The following BCAS4 variants were observed in gnomAD, a reference collection of about 807,000 sequenced individuals.
BCAS4 encodes the protein breast carcinoma-amplified sequence 4.
BCAS4 carries 9 observed loss-of-function variants against 15.7 expected under a neutral mutation model. The observed-to-expected ratio is 0.57, with a 90% confidence interval of 0.34 to 1.00. The LOEUF is 1.00. BCAS4 is among the 50% of genes least tolerant of loss of function. BCAS4 has a pLI of 0.02. For synonymous variants in BCAS4, 101 were observed against 99.5 expected, an observed-to-expected ratio of 1.02 and a Z score of -0.09; for missense variants, 225 against 239.1, an observed-to-expected ratio of 0.94 and a Z score of 0.39.
intron 2 of BCAS4, among the ~76,000 whole-genome samples, chr20:50,827,027 CA>C (rs1179522259): frequency 6.6e-5 from 10 of 151,840 alleles, no homozygotes; most frequent in African/African-American, 1.4e-4. Flanking sequence ...AACAAACAAA[CA>C]AAAAAAACGA....
chr20:50,854,205 G>A (rs111727725), intron 4 of BCAS4, among the ~76,000 whole-genome samples: 3 of 152,270 alleles, frequency 2.0e-5, no homozygotes, highest in African/African-American at 7.2e-5. Flanking sequence ...TTGTATCTTG[G>A]TGGTGCTGCT....
At position 50,851,378 on chromosome 20, in the gene BCAS4, A is replaced by C. The variant is rs919886770; in HGVS notation, c.399+9478A>C. On this transcript the variant is annotated intron_variant, in intron 4 of 4. Coordinates refer to ENST00000371608, the MANE Select transcript of BCAS4 (RefSeq NM_198799.4). This position sits in a 1 kb window ranked among gnomAD's most constrained non-coding sequence, Gnocchi z 4.3. ...AGCCCCCTCCCCACGGCTCCCAGGG[A>C]CCTCCCGGGTTCGTTTCCTTCAAGG... is the stretch of plus-strand genomic sequence containing the variant. Among the ~76,000 whole-genome samples, 5 of 151,694 alleles carry C rather than the reference A, an allele frequency of 3.3e-5. No homozygotes were observed. The highest frequency in any genetic ancestry group is 5.9e-5 in the Non-Finnish European group (4 of 67,938).
intron 3 of BCAS4, chr20:50,840,536 G>GA: frequency 1.4e-6 from 2 of 1,451,536 alleles, no homozygotes; most frequent in Non-Finnish European, 1.9e-6. Context: ...GCATCTTACA[G>GA]AGTTAAACAG....
chr20:50,797,569 C>T (rs758823015), intron 1 of BCAS4, among the ~76,000 whole-genome samples: 4 of 151,968 alleles, frequency 2.6e-5, no homozygotes, highest in Admixed American at 6.6e-5. Flanking sequence ...AAAAATAACA[C>T]GAACAAAAAT....
At chr20:50,824,337 C>T (rs1442301999) in intron 2 of BCAS4, among the ~76,000 whole-genome samples, 1 of 152,216 alleles carries the variant, frequency 6.6e-6, no homozygotes, top group Non-Finnish European at 1.5e-5. Flanking sequence ...GGCTCTCCTT[C>T]CTAGGGGCCT....
At chr20:50,794,963 TGCCCCGCCTCCGCCAGGCGGTCC>T, upstream of BCAS4, 1 of 1,219,032 alleles carries the variant, frequency 8.2e-7, no homozygotes, top group Non-Finnish European at 1.0e-6. Context: ...GGAGCGCACC[TGCCCCGCCTCCGCCAGGCGGTCC>T]GCGGGGCATG....
chr20:50,875,809 A>G (rs1324443230), intron 4 of BCAS4, among the ~76,000 whole-genome samples: 1 of 151,258 alleles, frequency 6.6e-6, no homozygotes, highest in Non-Finnish European at 1.5e-5. Flanking sequence ...CAGTCATGCC[A>G]CCAACCACAG....
chr20:50,806,787 A>G (rs985556411), intron 1 of BCAS4, among the ~76,000 whole-genome samples: 1 of 151,712 alleles, frequency 6.6e-6, no homozygotes, highest in Non-Finnish European at 1.5e-5. Flanking sequence ...GCAAGGTGAA[A>G]TGAGCACATC....
In BCAS4 at chr20:50,830,306, G is replaced by A; in HGVS notation, c.190G>A (p.Glu64Lys). The A allele has an allele frequency of 6.2e-7, 1 of 1,614,040 alleles. No individual in the cohort carries two copies. Among genetic ancestry groups the A allele is most frequent in the Non-Finnish European group, 8.5e-7 (1 of 1,179,962 alleles). The change falls in exon 3 of 5, where the codon GAG becomes AAG. Residue 64 changes from glutamate to lysine, a missense_variant. Glu to Lys is a moderately conservative substitution (Grantham distance 56). Transcript: ENST00000371608. ...CAGGAGTGATACTTCACAGATCCTG[G>A]AGGAAAACATCCCAGTCCTTAAGGC... ...LIRSDTSQIL[E>K]ENIPVLKAKL...
At chr20:50,804,876 C>T (rs886155301) in intron 1 of BCAS4, among the ~76,000 whole-genome samples, 4 of 152,166 alleles carry the variant, frequency 2.6e-5, no homozygotes, top group African/African-American at 9.7e-5. Context: ...GTTGTTTAAC[C>T]TGCCAACTCC....
rs569101539 is a variant in BCAS4 at position 50,805,928 on chromosome 20, G to A, written c.90+10755G>A. Among the ~76,000 whole-genome samples the A allele has an allele frequency of 2.7e-5, 4 of 150,486 alleles. No homozygotes were observed. The South Asian group carries it at 8.4e-4, about 31-fold the overall frequency. On this transcript the variant is annotated intron_variant, in intron 1 of 4. Coordinates refer to ENST00000371608, the MANE Select transcript of BCAS4 (RefSeq NM_198799.4). Reference sequence around the variant, plus strand: ...GGAGGCAGTGATTGCAGTGAGTTGAGATTGCGCCATTGCACTCCAGCCTGG... The same window carrying A: ...GGAGGCAGTGATTGCAGTGAGTTGAAATTGCGCCATTGCACTCCAGCCTGG...
At chr20:50,870,619 A>G (rs1979590384) in intron 4 of BCAS4, among the ~76,000 whole-genome samples, 1 of 152,216 alleles carries the variant, frequency 6.6e-6, no homozygotes, top group Non-Finnish European at 1.5e-5. Context: ...GCCATGAGGG[A>G]CTGTGGGCCC....
chr20:50,858,561 C>T (rs931068550), intron 4 of BCAS4, among the ~76,000 whole-genome samples: 4 of 152,026 alleles, frequency 2.6e-5, no homozygotes, highest in Non-Finnish European at 5.9e-5. Context: ...AAGATCGCGC[C>T]ATTGTGCTCC....
At chr20:50,834,956 C>T (rs924193466) in intron 3 of BCAS4, among the ~76,000 whole-genome samples, 3 of 152,214 alleles carry the variant, frequency 2.0e-5, no homozygotes, top group African/African-American at 7.2e-5. Context: ...CATGCATTAG[C>T]TGGCGCACAG....
intron 1 of BCAS4, among the ~76,000 whole-genome samples, chr20:50,799,977 G>C (rs1049492489): frequency 6.6e-6 from 1 of 152,232 alleles, no homozygotes; most frequent in Non-Finnish European, 1.5e-5. Flanking sequence ...GGCTCTGGGA[G>C]GTGGAGGTTG....
chr20:50,807,378 G>C (rs2123756211), intron 1 of BCAS4, among the ~76,000 whole-genome samples: 1 of 151,722 alleles, frequency 6.6e-6, no homozygotes, highest in Non-Finnish European at 1.5e-5. Context: ...CTTTTTTGTA[G>C]AGATGGGGTT....
chr20:50,823,597 G>A (rs1027363612), intron 2 of BCAS4, among the ~76,000 whole-genome samples: 1 of 152,166 alleles, frequency 6.6e-6, no homozygotes, highest in African/African-American at 2.4e-5. Flanking sequence ...CAAAGTGGGA[G>A]GGTTGCTTGA....
chr20:50,833,436 G>A (rs1485680187), intron 3 of BCAS4, among the ~76,000 whole-genome samples: 1 of 152,218 alleles, frequency 6.6e-6, no homozygotes, highest in Admixed American at 6.5e-5. Context: ...ATTCTTTGTT[G>A]TGGGGCTGTT....
intron 4 of BCAS4, among the ~76,000 whole-genome samples, chr20:50,855,688 T>G (rs904345917): frequency 5.9e-5 from 9 of 152,046 alleles, no homozygotes; most frequent in Non-Finnish European, 1.2e-4. Context: ...ATTGCCCTTC[T>G]CTGAGCCCTG....
Sources: gnomAD v4.1 joint callset for allele counts (sites outside exome capture counted in the v4.1 genomes callset) on GRCh38, gnomAD v4.1.1 for gene constraint, Gnocchi (gnomAD v3.1) non-coding constraint, MANE v1.5 for transcripts, NCBI Gene and HGNC (gene_info 2026-07-23, HGNC 2026-07-21) for gene names.